CADPS: variants seen among roughly 807,000 people sequenced by gnomAD.
CADPS encodes calcium dependent secretion activator, also known as calcium-dependent secretion activator 1.
CADPS carries 57 observed loss-of-function variants against 167.3 expected under a neutral mutation model. That is an observed-to-expected ratio of 0.34 (90% CI 0.28 to 0.42). The LOEUF (loss-of-function observed/expected upper bound fraction) is 0.42, where lower values mean the gene tolerates loss of function less well. Among genes scored for constraint, CADPS ranks in the 20% least tolerant of loss-of-function variants. The pLI is 1.00. For synonymous variants in CADPS, 676 were observed against 635.3 expected (o/e 1.06, Z -0.96); for missense variants, 1,414 against 1,738.1 (o/e 0.81, Z 3.32).
chr3:62,840,822 T>G (rs304185), intron 1 of CADPS, among the ~76,000 whole-genome samples: 125,925 of 152,108 alleles, frequency 0.83, 52,314 homozygotes, highest in Middle Eastern at 0.9. Context: ...ATTATTCAAA[T>G]TATTTGGAGA....
intron 3 of CADPS, among the ~76,000 whole-genome samples, chr3:62,729,201 G>A (rs1267233352): frequency 6.6e-6 from 1 of 151,734 alleles, no homozygotes; most frequent in African/African-American, 2.4e-5. Flanking sequence ...AAATTGATGC[G>A]GAGCCATTGC....
At chr3:62,694,362 CTAAT>C (rs1459253766) in intron 3 of CADPS, among the ~76,000 whole-genome samples, 2 of 152,064 alleles carry the variant, frequency 1.3e-5, no homozygotes, top group Non-Finnish European at 2.9e-5. Context: ...GGTGTCCTAA[CTAAT>C]TCTATCACTG....
At chr3:62,510,191 C>CATCTATCTGTCT (rs2067490740) in intron 17 of CADPS, among the ~76,000 whole-genome samples, 2 of 148,266 alleles carry the variant, frequency 1.3e-5, no homozygotes, top group African/African-American at 2.5e-5. Flanking sequence ...CCTATTTCTG[C>CATCTATCTGTCT]ATCTATCTAT....
chr3:62,675,413 G>T (rs1026477681), intron 3 of CADPS, among the ~76,000 whole-genome samples: 7 of 152,026 alleles, frequency 4.6e-5, no homozygotes, highest in African/African-American at 1.7e-4. Context: ...GGCCTATGTG[G>T]ACACTTCTAC....
At chr3:62,837,642 TG>T (rs1329748635) in intron 1 of CADPS, among the ~76,000 whole-genome samples, 4 of 152,196 alleles carry the variant, frequency 2.6e-5, no homozygotes, top group African/African-American at 9.6e-5. Context: ...GGTGACCCTG[TG>T]CCAGTATATG....
chr3:62,766,706 G>C (rs1470708300), intron 1 of CADPS, among the ~76,000 whole-genome samples: 1 of 151,954 alleles, frequency 6.6e-6, no homozygotes, highest in East Asian at 1.9e-4. Context: ...TTCTTTCTTA[G>C]GAAAACTTTC....
At chr3:62,453,648 G>T (rs1215235897) in intron 26 of CADPS, among the ~76,000 whole-genome samples, 1 of 152,192 alleles carries the variant, frequency 6.6e-6, no homozygotes, top group Non-Finnish European at 1.5e-5. Context: ...TGCGTGTGCG[G>T]GTGAGCAGTT....
intron 1 of CADPS, among the ~76,000 whole-genome samples, chr3:62,842,501 A>G (rs139755721): frequency 3.9e-5 from 6 of 152,350 alleles, no homozygotes; most frequent in African/African-American, 1.4e-4. Flanking sequence ...AATTTTCTTC[A>G]TGATTGCCTC....
At chr3:62,452,301 G>C (rs2058157929) in intron 26 of CADPS, among the ~76,000 whole-genome samples, 1 of 151,890 alleles carries the variant, frequency 6.6e-6, no homozygotes, top group Non-Finnish European at 1.5e-5. Context: ...TATTAAGGTT[G>C]GTCTGACCCT....
chr3:62,666,928 G>C (rs941033382), intron 3 of CADPS, among the ~76,000 whole-genome samples: 1 of 152,066 alleles, frequency 6.6e-6, no homozygotes, highest in African/African-American at 2.4e-5. Context: ...CTCAGTTTCT[G>C]CATCTGCAGA....
At chr3:62,718,504 T>A (rs1205072676) in intron 3 of CADPS, among the ~76,000 whole-genome samples, 1 of 152,176 alleles carries the variant, frequency 6.6e-6, no homozygotes, top group African/African-American at 2.4e-5. Context: ...TCTTGTCTTC[T>A]GTAGCATAGC....
intron 1 of CADPS, among the ~76,000 whole-genome samples, chr3:62,830,421 T>C (rs1339733376): frequency 1.3e-5 from 2 of 152,158 alleles, no homozygotes; most frequent in African/African-American, 4.8e-5. Context: ...ACAATCTTTT[T>C]CCCTCTTGGA....
intron 1 of CADPS, among the ~76,000 whole-genome samples, chr3:62,836,205 T>C (rs953880047): frequency 6.6e-6 from 1 of 152,210 alleles, no homozygotes; most frequent in Admixed American, 6.5e-5. Flanking sequence ...ATATGAACTT[T>C]GAAGAGAAAT....
chr3:62,696,572 C>T (rs759942924), intron 3 of CADPS, among the ~76,000 whole-genome samples: 18 of 152,006 alleles, frequency 1.2e-4, no homozygotes, highest in Admixed American at 3.9e-4. Flanking sequence ...TAAATAATTC[C>T]AACCTATTCC....
chr3:62,652,951 G>T (rs1192860475), intron 4 of CADPS, among the ~76,000 whole-genome samples: 2 of 152,076 alleles, frequency 1.3e-5, no homozygotes, highest in Admixed American at 6.6e-5. Flanking sequence ...TCTCCATAGA[G>T]CTTGGAGATG....
chr3:62,473,168 C>A (rs949732568), intron 24 of CADPS, among the ~76,000 whole-genome samples: 1 of 141,742 alleles, frequency 7.1e-6, no homozygotes, highest in African/African-American at 2.6e-5. Flanking sequence ...GTGCTTAGAA[C>A]TTAATCCCCA....
chr3:62,831,283 TAGAG>T (rs1259799199), intron 1 of CADPS, among the ~76,000 whole-genome samples: 4 of 152,302 alleles, frequency 2.6e-5, no homozygotes, highest in South Asian at 4.1e-4. Context: ...AGGAAACTAA[TAGAG>T]AGAGGTGAAA....
At chr3:62,650,380 A>G (rs895716733) in intron 5 of CADPS, among the ~76,000 whole-genome samples, 1 of 152,220 alleles carries the variant, frequency 6.6e-6, no homozygotes, top group Admixed American at 6.5e-5. Flanking sequence ...CCACAATACT[A>G]GCCTGAATGG....
intron 28 of CADPS, among the ~76,000 whole-genome samples, chr3:62,413,889 T>A (rs1489217805): frequency 5.4e-5 from 4 of 74,096 alleles, no homozygotes; most frequent in African/African-American, 1.2e-4. Context: ...AAACATACTT[T>A]AAAAAAAAAA....
Sources: gnomAD v4.1 joint callset for allele counts (sites outside exome capture counted in the v4.1 genomes callset) on GRCh38, gnomAD v4.1.1 for gene constraint, MANE v1.5 for transcripts, NCBI Gene and HGNC (gene_info 2026-07-23, HGNC 2026-07-21) for gene names.